The following SLBP variants were observed in gnomAD, a reference collection of about 807,000 sequenced individuals.
The protein encoded by SLBP is histone RNA hairpin-binding protein.
SLBP carries 29 observed loss-of-function variants against 39.2 expected under a neutral mutation model. The ratio of observed to expected loss-of-function variants is 0.74; its 90% CI spans 0.55 to 1.01. SLBP has a LOEUF of 1.01. Among genes scored for constraint, SLBP ranks in the 50% least tolerant of loss-of-function variants. The pLI is 0.00. For synonymous variants in SLBP, 129 were observed against 118.7 expected, an observed-to-expected ratio of 1.09 and a Z score of -0.57; for missense variants, 390 against 350.2, an observed-to-expected ratio of 1.11 and a Z score of -0.91.
At chr4:1,708,722 C>T (rs1716617295) in intron 2 of SLBP, among the ~76,000 whole-genome samples, 1 of 152,208 alleles carries the variant, frequency 6.6e-6, no homozygotes, top group Non-Finnish European at 1.5e-5. Context: ...CTTGGGACAA[C>T]AAAGCCTAAT....
At chr4:1,711,756 A>T (rs532608868) in intron 2 of SLBP, 118 bp downstream of exon 2, 18 of 480,896 alleles carry the variant, frequency 3.7e-5, no homozygotes, top group Non-Finnish European at 5.6e-5. Flanking sequence ...ACCAAGATAA[A>T]AGGACGCAGG....
intron 3 of SLBP, among the ~76,000 whole-genome samples, chr4:1,700,752 G>A (rs999978172): frequency 6.6e-6 from 1 of 151,962 alleles, no homozygotes; most frequent in African/African-American, 2.4e-5. Flanking sequence ...TTTTTTTGGA[G>A]ACATGGAGGT....
chr4:1,706,311 A>G (rs1577185409), intron 2 of SLBP, among the ~76,000 whole-genome samples: 1 of 152,146 alleles, frequency 6.6e-6, no homozygotes, highest in East Asian at 1.9e-4. Context: ...AATAGCTAGC[A>G]TATCCATTTA....
chr4:1,701,913 A>G (rs1206256971), intron 3 of SLBP, among the ~76,000 whole-genome samples: 3 of 152,220 alleles, frequency 2.0e-5, no homozygotes, highest in East Asian at 3.8e-4. Context: ...TCTCAAAAAA[A>G]TAAGTAAGTA....
chr4:1,700,576 T>C (rs982918916), intron 3 of SLBP, among the ~76,000 whole-genome samples: 1 of 152,070 alleles, frequency 6.6e-6, no homozygotes, highest in Non-Finnish European at 1.5e-5. Context: ...CTTTTTTTTT[T>C]TGAGATGGGG....
At chr4:1,702,016 G>A (rs944146009) in intron 3 of SLBP, among the ~76,000 whole-genome samples, 2 of 152,188 alleles carry the variant, frequency 1.3e-5, no homozygotes, top group African/African-American at 4.8e-5. Flanking sequence ...TTCAGGCACA[G>A]ACCCATGAGA....
intron 3 of SLBP, among the ~76,000 whole-genome samples, chr4:1,702,984 T>C (rs1577182881): frequency 6.6e-6 from 1 of 152,202 alleles, no homozygotes; most frequent in Middle Eastern, 3.4e-3. Flanking sequence ...CAGTGACTCA[T>C]GCCTGTAATC....
rs1393912186 is a variant in SLBP at position 1,693,404 on chromosome 4, A to T, written c.*193T>A. The stretch of plus-strand genomic sequence containing the variant: ...GGACTTAGCTCCATTTACAATTTAA[A>T]ACATGCAAAATATACTCACTATACA... On this transcript the variant is annotated 3_prime_UTR_variant, in exon 8 of 8. Transcript: ENST00000489418. The T allele has an allele frequency of 1.9e-6, 1 of 528,724 alleles. No homozygotes were observed. The allele number at this position is 528,724 out of a possible 1,614,324, so 32.8% of individuals were successfully genotyped here. A position where few individuals can be genotyped will look rare whatever the true frequency, so the allele number is the denominator to read the frequency against.
chr4:1,703,749 C>G (rs1716418181), intron 2 of SLBP, 49 bp from the exon 3 acceptor site: 2 of 1,260,024 alleles, frequency 1.6e-6, no homozygotes, highest in African/African-American at 2.9e-5. Context: ...ACTTTGTTTT[C>G]TTTCAAACTG....
chr4:1,712,266 A>C lies in SLBP; in HGVS notation c.-78T>G, dbSNP rs1462410685. 2 of 928,372 alleles carry C rather than the reference A, an allele frequency of 2.2e-6. No individual in the cohort carries two copies. The highest frequency in any genetic ancestry group is 3.8e-5 in the East Asian group (1 of 25,976). 57.5% of individuals were successfully genotyped at this position (928,372 alleles called of 1,614,324 possible). A position where few individuals can be genotyped will look rare whatever the true frequency, so the allele number is the denominator to read the frequency against. On this transcript the variant is annotated 5_prime_UTR_variant, in exon 1 of 8. Coordinates refer to ENST00000489418, the MANE Select transcript of SLBP (RefSeq NM_006527.4). ...GCGGGCAGAGAGCGCAGAGTAGAGC[A>C]GGGCAGGGCCTGAGGCAGAAACCCG...
At chr4:1,697,847 A>C (rs1018778030) in intron 5 of SLBP, among the ~76,000 whole-genome samples, 1 of 152,118 alleles carries the variant, frequency 6.6e-6, no homozygotes, top group Non-Finnish European at 1.5e-5. Flanking sequence ...GTCTCAAAAA[A>C]ATCACTATCC....
chr4:1,711,962 C>A lies in SLBP; in HGVS notation c.88G>T (p.Gly30Ter). 1 of 1,318,496 alleles carries A rather than the reference C, an allele frequency of 7.6e-7. No homozygotes were observed. The allele number at this position is 1,318,496 out of a possible 1,614,324, so 81.7% of individuals were successfully genotyped here. Residue 30 changes from glycine (G) to a stop codon, truncating the protein, a stop_gained, in exon 2 of 8, where the codon GGA becomes TGA. Coordinates refer to ENST00000489418, the MANE Select transcript of SLBP (RefSeq NM_006527.4). LOFTEE classifies it high-confidence loss of function. ...SPPSPARWSL[G>*]RKRRADGRRW... ...CTGCCGTCGGCTCTGCGCTTCCGTC[C>A]CAGGCTCCATCGCGCGGGGGACGGC...
Position 1,696,220 on chromosome 4 carries a change from C to G in SLBP, c.611G>C (p.Gly204Ala). The change falls in exon 6 of 8, where the codon GGA becomes GCA. Residue 204 changes from glycine to alanine, a missense_variant. Physicochemically the swap from Gly to Ala is moderately conservative, Grantham distance 60. Transcript: ENST00000489418. ...LHFWDPPAEE[G>A]CDLQEIHPVD... Reference sequence around the variant, plus strand: ...GACATACATTTCTTGCAAATCACATCCTTCTTCCGCTGGAGGATCCCAAAA... The same window carrying G: ...GACATACATTTCTTGCAAATCACATGCTTCTTCCGCTGGAGGATCCCAAAA... The G allele has an allele frequency of 2.4e-5, 38 of 1,592,896 alleles. No homozygotes were observed. The highest frequency in any genetic ancestry group is 3.2e-5 in the Non-Finnish European group (38 of 1,172,268).
chr4:1,711,717 G>A (rs1221742038), intron 2 of SLBP, among the ~76,000 whole-genome samples, 157 bp downstream of exon 2: 2 of 152,216 alleles, frequency 1.3e-5, no homozygotes, highest in South Asian at 2.1e-4. Context: ...GGCCTGCTGC[G>A]GCCGCCCCAG....
intron 3 of SLBP, among the ~76,000 whole-genome samples, chr4:1,700,776 G>A (rs1716295530): frequency 6.6e-6 from 1 of 152,018 alleles, no homozygotes; most frequent in African/African-American, 2.4e-5. Context: ...TGTTGCCCAG[G>A]CTGCTCTTGA....
At chr4:1,703,814 C>T (rs1716419955) in intron 2 of SLBP, 114 bp from the exon 3 acceptor site, 1 of 783,408 alleles carries the variant, frequency 1.3e-6, no homozygotes, top group South Asian at 1.4e-5. Context: ...GCCTGTAATA[C>T]CAGCACTTTG....
chr4:1,710,812 G>A (rs1242614684), intron 2 of SLBP, among the ~76,000 whole-genome samples: 1 of 151,938 alleles, frequency 6.6e-6, no homozygotes, highest in East Asian at 1.9e-4. Context: ...CACTTTGGGT[G>A]GCCAAGGTGG....
chr4:1,693,762 CAG>C lies in SLBP; in HGVS notation c.697-51_697-50del, dbSNP rs1491283276. ...GTTGACATTCATCTCACCCTGAAAA[CAG>C]GGGCCCCTTCCTACACCCCACTCCT... On this transcript the variant is annotated intron_variant, in intron 7 of 7. Coordinates refer to ENST00000489418, the MANE Select transcript of SLBP (RefSeq NM_006527.4). 1.7e-5 allele frequency: 21 copies of C among 1,264,454 alleles called. 1 individual carries two copies. Among genetic ancestry groups the C allele is most frequent in the South Asian group, 1.3e-4 (11 of 84,194 alleles). 78.3% of individuals were successfully genotyped at this position (1,264,454 alleles called of 1,614,324 possible).
intron 3 of SLBP, among the ~76,000 whole-genome samples, chr4:1,701,726 G>A (rs1238902603): frequency 6.6e-6 from 1 of 152,108 alleles, no homozygotes; most frequent in Non-Finnish European, 1.5e-5. Context: ...GGCCAATATG[G>A]TGAAACCTAG....
Sources: allele counts gnomAD v4.1 joint callset (sites outside exome capture counted in the v4.1 genomes callset), GRCh38; gene constraint gnomAD v4.1.1; transcripts MANE v1.5; gene names NCBI Gene and HGNC (gene_info 2026-07-23, HGNC 2026-07-21).